Variants in C12orf42 observed in about 807,000 individuals in gnomAD.
C12orf42 encodes chromosome 12 open reading frame 42, also known as uncharacterized protein C12orf42.
A neutral mutation model predicts 21.6 loss-of-function variants in C12orf42; 25 were observed. That is an observed-to-expected ratio of 1.16 (90% CI 0.84 to 1.62). The LOEUF (loss-of-function observed/expected upper bound fraction) is 1.62. Ranked by LOEUF, C12orf42 falls within the 40% of genes most tolerant of loss-of-function variation. The pLI is 0.00. For synonymous variants in C12orf42, 174 were observed against 175.0 expected, an observed-to-expected ratio of 0.99 and a Z score of 0.05; for missense variants, 483 against 459.3, an observed-to-expected ratio of 1.05 and a Z score of -0.47.
chr12:103,283,777 A>T (rs1053890897), intron 4 of C12orf42, among the ~76,000 whole-genome samples: 2 of 152,220 alleles, frequency 1.3e-5, no homozygotes, highest in African/African-American at 4.8e-5. Flanking sequence ...ATTTGTTCCT[A>T]GTGCCAAACT....
At chr12:103,203,135 A>AC in the C12orf42 span, among the ~76,000 whole-genome samples, 6 of 152,000 alleles carry the variant, frequency 3.9e-5, no homozygotes, top group Non-Finnish European at 4.4e-5. Flanking sequence ...GGATATGGAG[A>AC]CCCACCTTTC....
chr12:103,147,503 C>CTTTTTTTTTTTTTTTTTGTTTTTTT, the C12orf42 span, among the ~76,000 whole-genome samples: 1 of 99,970 alleles, frequency 1.0e-5, no homozygotes, highest in African/African-American at 4.0e-5. Flanking sequence ...CTTTTTTTTT[C>CTTTTTTTTTTTTTTTTTGTTTTTTT]TTTTTTTTTT....
the C12orf42 span, among the ~76,000 whole-genome samples, chr12:103,063,035 T>G: frequency 6.6e-6 from 1 of 152,162 alleles, no homozygotes; most frequent in Non-Finnish European, 1.5e-5. Context: ...TTATGCAGAA[T>G]AAATACATTT....
the C12orf42 span, among the ~76,000 whole-genome samples, chr12:103,552,241 T>C: frequency 6.6e-6 from 1 of 152,230 alleles, no homozygotes; most frequent in African/African-American, 2.4e-5. Flanking sequence ...GAAGACTGAC[T>C]CACTATCTGT....
At chr12:103,129,856 T>C in the C12orf42 span, among the ~76,000 whole-genome samples, 3 of 152,218 alleles carry the variant, frequency 2.0e-5, no homozygotes, top group African/African-American at 7.2e-5. Flanking sequence ...TGTGGAGACA[T>C]CTGTTACCAA....
At chr12:103,382,315 C>T (rs755635894) in intron 3 of C12orf42, among the ~76,000 whole-genome samples, 3 of 152,112 alleles carry the variant, frequency 2.0e-5, no homozygotes, top group Non-Finnish European at 2.9e-5. Context: ...ACAAAATGTC[C>T]ACGTCAGCAT....
At chr12:103,154,492 T>A in the C12orf42 span, among the ~76,000 whole-genome samples, 1 of 150,358 alleles carries the variant, frequency 6.7e-6, no homozygotes, top group African/African-American at 2.4e-5. Flanking sequence ...TTCCATCAAA[T>A]TTTTTTTTTC....
At chr12:103,521,233 C>T in the C12orf42 span, among the ~76,000 whole-genome samples, 1 of 152,114 alleles carries the variant, frequency 6.6e-6, no homozygotes. Context: ...CCTAGGAAAA[C>T]AAAACAAACT....
intron 3 of C12orf42, among the ~76,000 whole-genome samples, chr12:103,369,251 T>C (rs1302080624): frequency 1.3e-5 from 2 of 152,088 alleles, no homozygotes; most frequent in African/African-American, 2.4e-5. Flanking sequence ...AAAAATCTTA[T>C]TCAGTTACAC....
chr12:103,515,809 TAATAG>T, the C12orf42 span, among the ~76,000 whole-genome samples: 1 of 152,222 alleles, frequency 6.6e-6, no homozygotes, highest in Admixed American at 6.5e-5. Context: ...GGTTTATACA[TAATAG>T]AATAATCTAT....
At chr12:103,468,982 G>A (rs2137827891) in intron 2 of C12orf42, among the ~76,000 whole-genome samples, 1 of 152,270 alleles carries the variant, frequency 6.6e-6, no homozygotes, top group African/African-American at 2.4e-5. Flanking sequence ...TTCAACCAAG[G>A]GCCACATGCA....
At chr12:103,303,673 A>G (rs993962123) in intron 5 of C12orf42, among the ~76,000 whole-genome samples, 4 of 152,198 alleles carry the variant, frequency 2.6e-5, no homozygotes, top group Admixed American at 2.6e-4. Flanking sequence ...ACTCTGTTCT[A>G]TGCCTAGTAT....
intron 2 of C12orf42, among the ~76,000 whole-genome samples, chr12:103,441,809 GA>G (rs1180467608): frequency 6.6e-6 from 1 of 152,116 alleles, no homozygotes; most frequent in Non-Finnish European, 1.5e-5. Flanking sequence ...CCAGTTTAAA[GA>G]AAACTCAATC....
At chr12:103,093,306 G>A in the C12orf42 span, among the ~76,000 whole-genome samples, 2 of 152,120 alleles carry the variant, frequency 1.3e-5, no homozygotes, top group African/African-American at 4.8e-5. Flanking sequence ...GGATATTTTT[G>A]TGATGAACTG....
At chr12:103,104,060 TA>T in the C12orf42 span, among the ~76,000 whole-genome samples, 3 of 152,186 alleles carry the variant, frequency 2.0e-5, no homozygotes, top group African/African-American at 7.2e-5. Context: ...ATGCAGTAGT[TA>T]TGAATAAATG....
chr12:103,499,283 T>C (rs930576491), upstream of C12orf42, among the ~76,000 whole-genome samples: 5 of 152,230 alleles, frequency 3.3e-5, no homozygotes, highest in Non-Finnish European at 7.3e-5. Context: ...GGTAATTATA[T>C]GAGGTGATGG....
In C12orf42 at chr12:103,458,566, C is replaced by T. The variant is rs1281282975; in HGVS notation, c.78+19783G>A. ...TTTTCATTTAATAATCCAGTGAAAT[C>T]CCATATGGAAAACATCCAGCTCAGC... is the stretch of plus-strand genomic sequence containing the variant. On this transcript the variant is annotated intron_variant, in intron 2 of 5. Transcript: ENST00000548883. Among the ~76,000 whole-genome samples, 5 of 152,074 alleles carry T rather than the reference C, an allele frequency of 3.3e-5. No homozygotes were observed. The South Asian group carries it at 6.2e-4, about 19-fold the overall frequency.
chr12:103,378,107 C>T (rs1328519352), intron 3 of C12orf42, among the ~76,000 whole-genome samples: 1 of 152,140 alleles, frequency 6.6e-6, no homozygotes, highest in African/African-American at 2.4e-5. Context: ...CTGGCTATTC[C>T]AGCTCCTACA....
intron 4 of C12orf42, among the ~76,000 whole-genome samples, chr12:103,325,047 G>A (rs1292816790): frequency 6.6e-6 from 1 of 152,170 alleles, no homozygotes; most frequent in Non-Finnish European, 1.5e-5. Flanking sequence ...GGTTGACTTC[G>A]AGCAATTATC....
Sources: allele counts gnomAD v4.1 joint callset (sites outside exome capture counted in the v4.1 genomes callset), GRCh38; gene constraint gnomAD v4.1.1; transcripts MANE v1.5; gene names NCBI Gene and HGNC (gene_info 2026-07-23, HGNC 2026-07-21).